TMEM165: variants seen among roughly 807,000 people sequenced by gnomAD.
The protein encoded by TMEM165 is putative divalent cation/proton antiporter TMEM165.
In TMEM165, 19 loss-of-function variants were observed where a neutral mutation model predicts 30.0. The observed-to-expected ratio is 0.63, with a 90% CI of 0.44 to 0.93. TMEM165 has a LOEUF of 0.93. TMEM165 is among the 40% of genes least tolerant of loss of function. The pLI is 0.00. For synonymous variants in TMEM165, 168 were observed against 162.9 expected (o/e 1.03, Z -0.24); for missense variants, 340 against 417.0 (o/e 0.82, Z 1.61).
At chr4:55,427,986 G>A (rs536782126), downstream of TMEM165, 14 of 152,294 alleles carry the variant, frequency 9.2e-5, no homozygotes, top group African/African-American at 3.4e-4. Flanking sequence ...CATGAAGCAG[G>A]TGTTATTTTT....
rs772564760 is a variant in TMEM165, at chr4:55,417,898, C to T, written c.705C>T (p.Pro235=). 6.2e-7 allele frequency: 1 copy of T among 1,613,962 alleles called. No homozygotes were observed. Among genetic ancestry groups the T allele is most frequent in the Non-Finnish European group, 8.5e-7 (1 of 1,179,906 alleles). ...AAAAGTGGTTGCATTTTATTTCACC[C>T]ATTTTTGTTCAAGCTCTTACATTAA... ...PQKKWLHFIS[P]IFVQALTLTF... is the part of the protein sequence containing the mutation. Residue 235 remains proline, a synonymous_variant, in exon 4 of 6, where the codon CCC becomes CCT. Coordinates refer to ENST00000381334, the MANE Select transcript of TMEM165 (RefSeq NM_018475.5).
intron 4 of TMEM165, among the ~76,000 whole-genome samples, chr4:55,420,108 T>TA (rs1721906722): frequency 3.4e-5 from 1 of 29,054 alleles, no homozygotes; most frequent in South Asian, 3.7e-3. Flanking sequence ...GAAAAAAAAA[T>TA]ATATATATAT....
intron 1 of TMEM165, among the ~76,000 whole-genome samples, chr4:55,400,184 AAT>A (rs551900826): frequency 0.036 from 4,192 of 117,652 alleles, 284 homozygotes; most frequent in African/African-American, 0.14. Context: ...ATATATAAAA[AAT>A]AATATATAAA....
chr4:55,433,359 GGTT>G (rs1266587527), intron 3 of TMEM165: 1 of 152,482 alleles, frequency 6.6e-6, no homozygotes, highest in African/African-American at 2.4e-5. Context: ...AATTTTCTTT[GGTT>G]GTTTTCTTTT....
Position 55,445,582 on chromosome 4 carries a change from C to CTT in TMEM165, c.409-6632_409-6631dup, listed in dbSNP as rs56157186. ...TCTCTGCATCTGCTATTTCTATATT[C>CTT]TTTTTTTTTTTTTTTTTTTTTTTTT... is the stretch of plus-strand genomic sequence containing the variant. On this transcript the variant is annotated intron_variant, in intron 3 of 3. Coordinates refer to the TMEM165 transcript ENST00000608091. Among the ~76,000 whole-genome samples the CTT allele has an allele frequency of 8.6e-3, 590 of 68,582 alleles. 107 individuals are homozygous for CTT. The highest frequency in any genetic ancestry group is 0.024 in the Admixed American group (115 of 4,852). The allele number at this position is 68,582 out of a possible 152,430, so 45.0% of individuals were successfully genotyped here.
chr4:55,398,371 A>G (rs1402393296), intron 1 of TMEM165, among the ~76,000 whole-genome samples: 2 of 152,226 alleles, frequency 1.3e-5, no homozygotes, highest in African/African-American at 4.8e-5. Flanking sequence ...AAACAGGTAG[A>G]GGAGGTTTGT....
intron 4 of TMEM165, among the ~76,000 whole-genome samples, chr4:55,420,936 G>A (rs373369331): frequency 6.6e-5 from 10 of 151,854 alleles, no homozygotes; most frequent in African/African-American, 2.4e-4. Context: ...GGTGGCTCAC[G>A]CGTTTAATCC....
intron 4 of TMEM165, 134 bp downstream of exon 4, chr4:55,418,119 A>G (rs1160059784): frequency 2.5e-6 from 2 of 801,212 alleles, no homozygotes; most frequent in Admixed American, 7.7e-5. Context: ...CTGATAATTC[A>G]GCTGCTCTCT....
chr4:55,435,212 G>T, intron 3 of TMEM165: 1 of 614,620 alleles, frequency 1.6e-6, no homozygotes, highest in Non-Finnish European at 2.9e-6. Context: ...ATGCCCCTAT[G>T]ATCACCTCCT....
chr4:55,451,039 T>TAA (rs929713996), intron 3 of TMEM165, among the ~76,000 whole-genome samples: 7 of 142,656 alleles, frequency 4.9e-5, no homozygotes, highest in African/African-American at 1.8e-4. Flanking sequence ...TCTCTCAACT[T>TAA]AAAAAAAAAA....
At chr4:55,416,173 A>T (rs936474725) in intron 2 of TMEM165, 1 of 151,942 alleles carries the variant, frequency 6.6e-6, no homozygotes, top group Admixed American at 6.6e-5. Flanking sequence ...TGTATTTATT[A>T]TATGTATGGT....
chr4:55,441,250 C>T (rs999151335), intron 3 of TMEM165, among the ~76,000 whole-genome samples: 1 of 152,122 alleles, frequency 6.6e-6, no homozygotes, highest in African/African-American at 2.4e-5. Flanking sequence ...CTGGCCATTA[C>T]TAAAAAGTCA....
At chr4:55,451,979 C>A (rs531019209) in intron 3 of TMEM165, among the ~76,000 whole-genome samples, 1 of 152,258 alleles carries the variant, frequency 6.6e-6, no homozygotes, top group African/African-American at 2.4e-5. Context: ...TGGAATGCTG[C>A]CTATTTAACT....
intron 3 of TMEM165, among the ~76,000 whole-genome samples, chr4:55,439,165 CAACA>C (rs1577671318): frequency 6.6e-6 from 1 of 152,064 alleles, no homozygotes; most frequent in Non-Finnish European, 1.5e-5. Flanking sequence ...TTCAACTCAA[CAACA>C]ATCAACCCAA....
chr4:55,443,881 A>T lies in TMEM165; in HGVS notation c.409-8358A>T, dbSNP rs753731404. 1.3e-5 allele frequency: 21 copies of T among 1,612,648 alleles called. No homozygotes were observed. Among genetic ancestry groups the T allele is most frequent in the Non-Finnish European group, 1.8e-5 (21 of 1,179,852 alleles). On this transcript the variant is annotated intron_variant, in intron 3 of 3. Transcript: ENST00000608091. ...GAACCAAAATTCAACCCAGGATTTG[A>T]TTGTTGCAAAAACATCTTTAAAAAT...
rs1720705211 is a variant in TMEM165 at position 55,396,050 on chromosome 4, C to G, written c.-140C>G. On this transcript the variant is annotated 5_prime_UTR_variant, in exon 1 of 6. Coordinates refer to ENST00000381334, the MANE Select transcript of TMEM165 (RefSeq NM_018475.5). ...CACCTCACTCCCGCTGCTTGCACCT[C>G]CCGGATGGTGCTGACTGCTCCCTAA... The G allele has an allele frequency of 1.6e-6, 1 of 608,474 alleles. No homozygotes were observed. Among genetic ancestry groups the G allele is most frequent in the African/African-American group, 2.0e-5 (1 of 50,858 alleles). 37.7% of individuals were successfully genotyped at this position (608,474 alleles called of 1,614,324 possible). A position where few individuals can be genotyped will look rare whatever the true frequency, so the allele number is the denominator to read the frequency against.
intron 2 of TMEM165, among the ~76,000 whole-genome samples, chr4:55,413,355 C>T (rs1721593270): frequency 6.6e-6 from 1 of 151,968 alleles, no homozygotes; most frequent in African/African-American, 2.4e-5. Flanking sequence ...TGCTCTGTCA[C>T]CCAGGCCGGA....
chr4:55,446,719 T>C (rs1723879537), intron 3 of TMEM165, among the ~76,000 whole-genome samples: 1 of 152,234 alleles, frequency 6.6e-6, no homozygotes, highest in African/African-American at 2.4e-5. Flanking sequence ...GTGATTCATC[T>C]CTTAAGTCTA....
chr4:55,417,778 T>G (rs750958467), intron 3 of TMEM165, 25 bp from the exon 4 acceptor site: 4 of 1,553,772 alleles, frequency 2.6e-6, no homozygotes, highest in South Asian at 1.2e-5. Flanking sequence ...TGTGCTTACT[T>G]TCATTTGTTT....
Sources: allele counts gnomAD v4.1 joint callset (sites outside exome capture counted in the v4.1 genomes callset), GRCh38; gene constraint gnomAD v4.1.1; transcripts MANE v1.5; gene names NCBI Gene and HGNC (gene_info 2026-07-23, HGNC 2026-07-21).